ZNF354C: variants seen among roughly 807,000 people sequenced by gnomAD.
The protein encoded by ZNF354C is zinc finger protein 354C.
In ZNF354C, 7 loss-of-function variants were observed where a neutral mutation model predicts 12.4. That is an observed-to-expected ratio of 0.56 (90% CI 0.32 to 1.06). The LOEUF is 1.06. ZNF354C is among the 50% of genes least tolerant of loss of function. The pLI is 0.04. For synonymous variants in ZNF354C, 202 were observed against 224.5 expected (o/e 0.90, Z 0.90); for missense variants, 609 against 658.0 (o/e 0.93, Z 0.81).
chr5:179,066,971 C>T (rs1172950453), intron 2 of ZNF354C, among the ~76,000 whole-genome samples: 1 of 152,096 alleles, frequency 6.6e-6, no homozygotes, highest in Non-Finnish European at 1.5e-5. Context: ...TTATGGCATC[C>T]CAATTACATT....
At chr5:179,078,247 G>A (rs1025448954) in intron 4 of ZNF354C, among the ~76,000 whole-genome samples, 3 of 152,202 alleles carry the variant, frequency 2.0e-5, no homozygotes, top group East Asian at 1.9e-4. Context: ...GGGAGAAAAC[G>A]TAATGAAAGG....
chr5:179,077,133 G>C lies in ZNF354C; in HGVS notation c.217G>C (p.Val73Leu). The C allele has an allele frequency of 6.2e-7, 1 of 1,614,188 alleles. No homozygotes were observed. The highest frequency in any genetic ancestry group is 8.5e-7 in the Non-Finnish European group (1 of 1,180,030). ...GCAGCAAGGAGAAGATCCCTGCATG[G>C]TGGAAAGAGAAGTCCCTTCAGATAC... ...QLQQGEDPCMVEREVPSDTRL... is the reference protein window; with the variant it reads ...QLQQGEDPCMLEREVPSDTRL... Residue 73 changes from valine (V) to leucine (L), a missense_variant, in exon 4 of 5, where the codon GTG becomes CTG. Coordinates refer to ENST00000315475, the MANE Select transcript of ZNF354C (RefSeq NM_014594.3).
In ZNF354C at chr5:179,079,206, C is replaced by T. The variant is rs1239249975; in HGVS notation, c.774C>T (p.Ser258=). 1.2e-6 allele frequency: 2 copies of T among 1,613,756 alleles called. No homozygotes were observed. Among genetic ancestry groups the T allele is most frequent in the South Asian group, 1.1e-5 (1 of 91,044 alleles). The change falls in exon 5 of 5, where the codon TCC becomes TCT. Residue 258 remains serine (S), a synonymous_variant. Transcript: ENST00000315475. This position sits in a 1 kb window ranked among gnomAD's most constrained non-coding sequence, Gnocchi z 4.2. ...AAAAAACCTTCAGCCACAGATCATC[C>T]CTTCTTTCTCATCAGAGAATTCATA... is the stretch of plus-strand genomic sequence containing the variant. ...ECEKTFSHRS[S]LLSHQRIHTG... is the part of the protein sequence containing the mutation.
At chr5:179,063,561 A>G (rs1688772729) in intron 2 of ZNF354C, among the ~76,000 whole-genome samples, 1 of 152,246 alleles carries the variant, frequency 6.6e-6, no homozygotes, top group South Asian at 2.1e-4. Context: ...CCTTGTCTCA[A>G]AAAGAACCCC....
chr5:179,074,299 T>TTC (rs1249834980), intron 2 of ZNF354C, among the ~76,000 whole-genome samples: 2 of 151,180 alleles, frequency 1.3e-5, no homozygotes, highest in East Asian at 3.9e-4. Flanking sequence ...TACTTTTTTT[T>TTC]TTTTTTTTAG....
At chr5:179,067,152 G>C (rs1761967922) in intron 2 of ZNF354C, among the ~76,000 whole-genome samples, 1 of 152,176 alleles carries the variant, frequency 6.6e-6, no homozygotes, top group African/African-American at 2.4e-5. Context: ...ACAAAGTCGG[G>C]TGTCTCAGCT....
chr5:179,072,082 A>G (rs895906799), intron 2 of ZNF354C, among the ~76,000 whole-genome samples: 8 of 152,156 alleles, frequency 5.3e-5, no homozygotes, highest in African/African-American at 1.9e-4. Context: ...CAAGAGGAAG[A>G]CAATCAATAG....
chr5:179,079,731 T>A lies in ZNF354C; in HGVS notation c.1299T>A (p.Ile433=). 1 of 1,614,106 alleles carries A rather than the reference T, an allele frequency of 6.2e-7. No individual in the cohort carries two copies. ...CATCCTTTAATGAACATCGGAAAAT[T>A]CATACTGGGGAAAAACTTTATACAT... ...QYSSFNEHRK[I]HTGEKLYTCE... is the part of the protein sequence containing the mutation. Residue 433 remains isoleucine, a synonymous_variant, in exon 5 of 5, where the codon ATT becomes ATA. Coordinates refer to ENST00000315475, the MANE Select transcript of ZNF354C (RefSeq NM_014594.3). This position sits in a 1 kb window ranked among gnomAD's most constrained non-coding sequence, Gnocchi z 4.2.
In ZNF354C at chr5:179,062,100, G is replaced by A; in HGVS notation, c.27+5G>A. On this transcript the variant is annotated splice_donor_5th_base_variant and intron_variant, in intron 2 of 4. Coordinates refer to ENST00000315475, the MANE Select transcript of ZNF354C (RefSeq NM_014594.3). ...GTGGATCTGCTGTCTGCTCAGGTGA[G>A]AGTGAGTGAAGGTTGTCTTTTTCAT... 6.2e-7 allele frequency: 1 copy of A among 1,614,188 alleles called. No homozygotes were observed. The highest frequency in any genetic ancestry group is 8.5e-7 in the Non-Finnish European group (1 of 1,180,024).
intron 2 of ZNF354C, among the ~76,000 whole-genome samples, chr5:179,075,096 A>G (rs1391020100): frequency 6.6e-6 from 1 of 151,758 alleles, no homozygotes; most frequent in Non-Finnish European, 1.5e-5. Flanking sequence ...CGTCTCTACA[A>G]ATATACAAAA....
rs1373865328 is a variant in ZNF354C, at chr5:179,082,436, A to C, written c.*2339A>C. ...TTACACAGTATGGAAATAAATAGAC[A>C]AGTCCAGAGTTGGTATAGGACAACT... On this transcript the variant is annotated 3_prime_UTR_variant, in exon 5 of 5. Coordinates refer to ENST00000315475, the MANE Select transcript of ZNF354C (RefSeq NM_014594.3). 6.4e-6 allele frequency: 3 copies of C among 471,928 alleles called. No individual in the cohort carries two copies. The highest frequency in any genetic ancestry group is 3.9e-5 in the African/African-American group (2 of 50,734). The allele number at this position is 471,928 out of a possible 1,614,324, so 29.2% of individuals were successfully genotyped here.
intron 1 of ZNF354C, among the ~76,000 whole-genome samples, chr5:179,061,271 C>T (rs1031044432): frequency 6.6e-6 from 1 of 152,158 alleles, no homozygotes; most frequent in African/African-American, 2.4e-5. Flanking sequence ...CAGGCAGCCT[C>T]TTCCCTTGCT....
At chr5:179,075,000 G>GT (rs1274960872) in intron 2 of ZNF354C, among the ~76,000 whole-genome samples, 2 of 152,170 alleles carry the variant, frequency 1.3e-5, no homozygotes, top group Admixed American at 1.3e-4. Context: ...GTTCACACCT[G>GT]TAAGTCCAGC....
At chr5:179,069,577 AAAG>A (rs1329092603) in intron 2 of ZNF354C, among the ~76,000 whole-genome samples, 3 of 147,834 alleles carry the variant, frequency 2.0e-5, no homozygotes, top group South Asian at 2.1e-4. Context: ...AAAAAAAAAA[AAAG>A]AAAGGCCGGG....
At chr5:179,068,371 G>A (rs139237671) in intron 2 of ZNF354C, among the ~76,000 whole-genome samples, 56 of 152,272 alleles carry the variant, frequency 3.7e-4, no homozygotes, top group African/African-American at 1.2e-3. Context: ...TTTAGCACGC[G>A]TCTGTTTTCA....
Position 179,080,817 on chromosome 5 carries a change from T to G in ZNF354C, c.*720T>G, listed in dbSNP as rs1561753173. ...TTTTATATAACTGAACAGAGTACTATTACAGTACCGTAGAAGGCGGATTAA... is the reference window on the plus strand; with the variant it reads ...TTTTATATAACTGAACAGAGTACTAGTACAGTACCGTAGAAGGCGGATTAA... On this transcript the variant is annotated 3_prime_UTR_variant, in exon 5 of 5. Coordinates refer to ENST00000315475, the MANE Select transcript of ZNF354C (RefSeq NM_014594.3). 1 of 152,170 alleles carries G rather than the reference T, an allele frequency of 6.6e-6. No individual in the cohort carries two copies. Among genetic ancestry groups the G allele is most frequent in the Non-Finnish European group, 1.5e-5 (1 of 68,032 alleles). The allele number at this position is 152,170 out of a possible 1,614,324, so 9.4% of individuals were successfully genotyped here. A position where few individuals can be genotyped will look rare whatever the true frequency, so the allele number is the denominator to read the frequency against.
At position 179,076,458 on chromosome 5, in the gene ZNF354C, T is replaced by G. The variant is rs1762124530; in HGVS notation, c.41T>G (p.Phe14Cys). Residue 14 changes from phenylalanine (F) to cysteine (C), a missense_variant, in exon 3 of 5, where the codon TTC becomes TGC. Phe to Cys is a radical substitution (Grantham distance 205). Transcript: ENST00000315475. ...DLLSAQEPVT[F>C]RDVAVFFSQD... The stretch of plus-strand genomic sequence containing the variant: ...TTGCCATTACAGGAGCCTGTGACAT[T>G]CAGGGATGTGGCCGTGTTCTTCAGC... 5.6e-6 allele frequency: 9 copies of G among 1,614,182 alleles called. No individual in the cohort carries two copies. Among genetic ancestry groups the G allele is most frequent in the Non-Finnish European group, 7.6e-6 (9 of 1,180,016 alleles).
chr5:179,075,680 C>T (rs1259963430), intron 2 of ZNF354C, among the ~76,000 whole-genome samples: 2 of 152,102 alleles, frequency 1.3e-5, no homozygotes, highest in Admixed American at 6.6e-5. Context: ...TAGAGTTTTT[C>T]AACAAATATA....
In ZNF354C at chr5:179,081,520, C is replaced by T. The variant is rs1015040999; in HGVS notation, c.*1423C>T. 6.6e-6 allele frequency: 1 copy of T among 151,930 alleles called. No individual in the cohort carries two copies. The highest frequency in any genetic ancestry group is 2.4e-5 in the African/African-American group (1 of 41,456). 9.4% of individuals were successfully genotyped at this position (151,930 alleles called of 1,614,324 possible). A position where few individuals can be genotyped will look rare whatever the true frequency, so the allele number is the denominator to read the frequency against. ...ATTCTAATACAATTAGCTAGACCTT[C>T]TGAGAAAAATGTTAGAATTAAACTC... On this transcript the variant is annotated 3_prime_UTR_variant, in exon 5 of 5. Coordinates refer to ENST00000315475, the MANE Select transcript of ZNF354C (RefSeq NM_014594.3).
Sources: allele counts gnomAD v4.1 joint callset (sites outside exome capture counted in the v4.1 genomes callset), GRCh38; gene constraint gnomAD v4.1.1; non-coding constraint Gnocchi (gnomAD v3.1); transcripts MANE v1.5; gene names NCBI Gene and HGNC (gene_info 2026-07-23, HGNC 2026-07-21).